TMEM51: variants seen among roughly 807,000 people sequenced by gnomAD.
The protein encoded by TMEM51 is chromosome 1 open reading frame 72.
TMEM51 carries 8 observed loss-of-function variants against 13.6 expected under a neutral mutation model. The observed-to-expected ratio is 0.59, with a 90% confidence interval of 0.35 to 1.07. The LOEUF is 1.07. Among genes scored for constraint, TMEM51 ranks in the 50% least tolerant of loss-of-function variants. The pLI, the probability that TMEM51 is intolerant of heterozygous loss-of-function variation, is 0.02. For missense variants in TMEM51, 279 were observed against 330.7 expected, an observed-to-expected ratio of 0.84 and a Z score of 1.21; for synonymous variants, 147 against 144.4, an observed-to-expected ratio of 1.02 and a Z score of -0.13.
rs1253152408 is a variant in TMEM51 at position 15,161,590 on chromosome 1, T to C, written c.-267+7636T>C. 1.3e-5 allele frequency among the ~76,000 whole-genome samples: 2 copies of C among 152,068 alleles called. No homozygotes were observed. Among genetic ancestry groups the C allele is most frequent in the South Asian group, 2.1e-4 (1 of 4,828 alleles). On this transcript the variant is annotated intron_variant, in intron 1 of 3. Coordinates refer to ENST00000376008, the MANE Select transcript of TMEM51 (RefSeq NM_001136218.2). The surrounding 1 kb of genome is among the most constrained non-coding windows in gnomAD (Gnocchi z 4.0). ...TTCACTTCTGGGTGCATACTTGTCTTAGTCCATTTGTGTTGCTGTAAAGAA... is the reference window on the plus strand; with the variant it reads ...TTCACTTCTGGGTGCATACTTGTCTCAGTCCATTTGTGTTGCTGTAAAGAA...
chr1:15,193,087 G>A (rs742670), intron 1 of TMEM51, among the ~76,000 whole-genome samples: 115,135 of 152,108 alleles, frequency 0.76, 43,924 homozygotes, highest in East Asian at 0.96. Context: ...GCACGGAGGC[G>A]CCCAGGCACA....
At chr1:15,193,571 C>CTT (rs1392623062) in intron 1 of TMEM51, among the ~76,000 whole-genome samples, 10,105 of 77,012 alleles carry the variant, frequency 0.13, 516 homozygotes, top group African/African-American at 0.18. Flanking sequence ...TCTTTTCTTT[C>CTT]TTTCTTTTTT....
At chr1:15,202,246 T>C (rs188290454) in intron 1 of TMEM51, among the ~76,000 whole-genome samples, 1 of 152,214 alleles carries the variant, frequency 6.6e-6, no homozygotes, top group East Asian at 1.9e-4. Context: ...CACCAAGCGA[T>C]TGGTTTTATC....
chr1:15,196,187 G>A (rs553129519), intron 1 of TMEM51, among the ~76,000 whole-genome samples: 1 of 152,194 alleles, frequency 6.6e-6, no homozygotes, highest in Non-Finnish European at 1.5e-5. Context: ...CACGGGCCCT[G>A]TGTGGGATGT....
At chr1:15,199,512 G>T (rs952096324) in intron 1 of TMEM51, among the ~76,000 whole-genome samples, 1 of 152,152 alleles carries the variant, frequency 6.6e-6, no homozygotes, top group Non-Finnish European at 1.5e-5. Context: ...GAATCATAAT[G>T]CCAGCTTTCC....
Position 15,154,474 on chromosome 1 carries a change from G to C in TMEM51, c.-267+520G>C, listed in dbSNP as rs1321739165. ...GGGTAAAGAATCGGGCATGAGCAAA[G>C]TGGATTGAAACTCGAGTCCTTCCCT... is the stretch of plus-strand genomic sequence containing the variant. On this transcript the variant is annotated intron_variant, in intron 1 of 3. Transcript: ENST00000376008. Among the ~76,000 whole-genome samples, 4 of 152,192 alleles carry C rather than the reference G, an allele frequency of 2.6e-5. No homozygotes were observed. In the East Asian group the frequency reaches 7.7e-4, roughly 29 times the overall value.
chr1:15,190,395 C>G (rs139248640), intron 1 of TMEM51, among the ~76,000 whole-genome samples: 2 of 152,290 alleles, frequency 1.3e-5, no homozygotes, highest in East Asian at 3.9e-4. Flanking sequence ...GAAACGCCCT[C>G]TGATAAAATG....
chr1:15,216,829 T>C (rs1644439778), intron 3 of TMEM51, among the ~76,000 whole-genome samples: 1 of 152,230 alleles, frequency 6.6e-6, no homozygotes, highest in Non-Finnish European at 1.5e-5. Flanking sequence ...AAAAGGGGGA[T>C]ATAATACAGC....
Position 15,215,014 on chromosome 1 carries a change from T to A in TMEM51, c.-74T>A. The stretch of plus-strand genomic sequence containing the variant: ...GATTTTGTGGAGCGCATTTAAGGGG[T>A]TTTTGTTGTGACTGCTGCCTTGTAT... On this transcript the variant is annotated 5_prime_UTR_variant, in exon 3 of 4. Coordinates refer to ENST00000376008, the MANE Select transcript of TMEM51 (RefSeq NM_001136218.2). 1 of 1,412,722 alleles carries A rather than the reference T, an allele frequency of 7.1e-7. No individual in the cohort carries two copies. The highest frequency in any genetic ancestry group is 9.6e-7 in the Non-Finnish European group (1 of 1,043,252). The allele number at this position is 1,412,722 out of a possible 1,614,324, so 87.5% of individuals were successfully genotyped here.
intron 3 of TMEM51, among the ~76,000 whole-genome samples, chr1:15,218,287 T>C (rs1450030098): frequency 1.3e-5 from 2 of 152,226 alleles, no homozygotes; most frequent in Non-Finnish European, 2.9e-5. Flanking sequence ...ATTTCAGATA[T>C]TCTTTCTCTA....
intron 1 of TMEM51, among the ~76,000 whole-genome samples, chr1:15,196,876 A>C (rs2100295974): frequency 6.6e-6 from 1 of 152,314 alleles, no homozygotes; most frequent in South Asian, 2.1e-4. Context: ...TGTTGACTAG[A>C]ATTCAGTTTC....
At chr1:15,199,109 T>C (rs1230211652) in intron 1 of TMEM51, among the ~76,000 whole-genome samples, 2 of 151,494 alleles carry the variant, frequency 1.3e-5, no homozygotes, top group Non-Finnish European at 2.9e-5. Context: ...AGAAAGTCGA[T>C]TGTGTCTTTT....
chr1:15,215,253 G>A lies in TMEM51; in HGVS notation c.166G>A (p.Gly56Ser). 9 of 1,614,194 alleles carry A rather than the reference G, an allele frequency of 5.6e-6. No individual in the cohort carries two copies. Among genetic ancestry groups the A allele is most frequent in the African/African-American group, 4.0e-5 (3 of 75,046 alleles). ...CAGCAACAAGACCGAGGTGGGTGGC[G>A]GCATCCTCAAGAGCAAGACCTTCTC... ...QGSNKTEVGG[G>S]ILKSKTFSVA... The change falls in exon 3 of 4, where the codon GGC becomes AGC. Residue 56 changes from glycine (G) to serine (S), a missense_variant. Physicochemically the swap from Gly to Ser is moderately conservative, Grantham distance 56 (BLOSUM62 0). Transcript: ENST00000376008.
chr1:15,165,960 C>T (rs1300842301), intron 1 of TMEM51, among the ~76,000 whole-genome samples: 1 of 152,078 alleles, frequency 6.6e-6, no homozygotes, highest in Admixed American at 6.6e-5. Context: ...GGTTATAAAA[C>T]ATATTGCAGC....
chr1:15,177,780 G>A (rs1643494693), intron 1 of TMEM51, among the ~76,000 whole-genome samples: 2 of 152,136 alleles, frequency 1.3e-5, no homozygotes, highest in South Asian at 4.2e-4. Context: ...CAGAGAATGG[G>A]TTGCAGAATA....
chr1:15,159,412 A>G (rs966318019), intron 1 of TMEM51, among the ~76,000 whole-genome samples: 7 of 152,218 alleles, frequency 4.6e-5, no homozygotes, highest in Non-Finnish European at 1.0e-4. Context: ...TGTTGCGTGC[A>G]CTAGGAATTC....
intron 1 of TMEM51, chr1:15,168,503 C>G (rs1643110647): frequency 7.7e-7 from 1 of 1,304,078 alleles, no homozygotes; most frequent in Non-Finnish European, 1.0e-6. Context: ...TATTATTGCC[C>G]CTTGGTTTTA....
At chr1:15,190,556 T>G (rs1308978578) in intron 1 of TMEM51, among the ~76,000 whole-genome samples, 1 of 152,136 alleles carries the variant, frequency 6.6e-6, no homozygotes, top group Non-Finnish European at 1.5e-5. Context: ...TACAGGATTG[T>G]GCCTGTGGCC....
At chr1:15,199,299 A>T (rs149708279) in intron 1 of TMEM51, among the ~76,000 whole-genome samples, 2,704 of 151,994 alleles carry the variant, frequency 0.018, 83 homozygotes, top group African/African-American at 0.061. Flanking sequence ...TGCCTGGCTG[A>T]TTTTTTATAT....
Sources: allele counts gnomAD v4.1 joint callset (sites outside exome capture counted in the v4.1 genomes callset), GRCh38; gene constraint gnomAD v4.1.1; non-coding constraint Gnocchi (gnomAD v3.1); transcripts MANE v1.5; gene names NCBI Gene and HGNC (gene_info 2026-07-23, HGNC 2026-07-21).